The following ROR1 variants were observed in gnomAD, a reference collection of about 807,000 sequenced individuals.
ROR1 encodes the protein inactive tyrosine-protein kinase transmembrane receptor ROR1.
ROR1 carries 19 observed loss-of-function variants against 78.8 expected under a neutral mutation model. The observed-to-expected ratio is 0.24, with a 90% CI of 0.17 to 0.35. The LOEUF (loss-of-function observed/expected upper bound fraction) is 0.35, where lower values mean the gene tolerates loss of function less well. Ranked by LOEUF, ROR1 falls within the 10% of genes least tolerant of loss-of-function variation. The probability of loss-of-function intolerance (pLI) is 1.00; values close to 1 mark genes in which losing one functional copy is unlikely to be tolerated. For synonymous variants in ROR1, 386 were observed against 433.6 expected (o/e 0.89, Z 1.36); for missense variants, 917 against 1,177.8 (o/e 0.78, Z 3.24).
At chr1:63,974,489 C>T (rs529125084) in intron 1 of ROR1, among the ~76,000 whole-genome samples, 4 of 152,182 alleles carry the variant, frequency 2.6e-5, no homozygotes, top group African/African-American at 9.6e-5. Flanking sequence ...GTCACGCAGG[C>T]TGGAGTGCAG....
chr1:63,984,089 T>C (rs558311169), intron 1 of ROR1, among the ~76,000 whole-genome samples: 2 of 152,180 alleles, frequency 1.3e-5, no homozygotes, highest in Non-Finnish European at 2.9e-5. Flanking sequence ...AAACATGCCT[T>C]TCCTAGTTTT....
At chr1:63,857,771 TA>T (rs1338733163) in intron 1 of ROR1, among the ~76,000 whole-genome samples, 1 of 152,218 alleles carries the variant, frequency 6.6e-6, no homozygotes, top group African/African-American at 2.4e-5. Context: ...CCATATTTGG[TA>T]AGCCTCTGAA....
rs1646673249 is a variant in ROR1 at position 64,032,921 on chromosome 1, T to C, written c.164-16770T>C. Reference sequence around the variant, plus strand: ...ATATGAGGTACCTAGAGTAGTGAAATTGATAGACAGAAAGTAAGATGGTGG... The same window carrying C: ...ATATGAGGTACCTAGAGTAGTGAAACTGATAGACAGAAAGTAAGATGGTGG... On this transcript the variant is annotated intron_variant, in intron 2 of 8. Coordinates refer to ENST00000371079, the MANE Select transcript of ROR1 (RefSeq NM_005012.4). Among the ~76,000 whole-genome samples, 3 of 152,088 alleles carry C rather than the reference T, an allele frequency of 2.0e-5. No individual in the cohort carries two copies. The South Asian group carries it at 6.2e-4, about 32-fold the overall frequency.
chr1:63,959,106 T>G (rs1646006833), intron 1 of ROR1, among the ~76,000 whole-genome samples: 2 of 152,142 alleles, frequency 1.3e-5, no homozygotes, highest in Admixed American at 1.3e-4. Flanking sequence ...TCAGGAAACT[T>G]ACAATCATGA....
rs180686850 is a variant in ROR1, at chr1:64,134,451, G to A, written c.483-2918G>A. Among the ~76,000 whole-genome samples the A allele has an allele frequency of 3.9e-3, 601 of 152,230 alleles. 8 individuals are homozygous for A. The highest frequency in any genetic ancestry group is 6.8e-3 in the Middle Eastern group (2 of 292). On this transcript the variant is annotated intron_variant, in intron 4 of 8. Coordinates refer to ENST00000371079, the MANE Select transcript of ROR1 (RefSeq NM_005012.4). ...CACCACAGACTGACTTTGTGAATTT[G>A]AGCAAGTTACTTAACTTCTCTGAAT...
intron 1 of ROR1, among the ~76,000 whole-genome samples, chr1:63,928,893 A>G (rs919888808): frequency 3.9e-5 from 6 of 152,154 alleles, no homozygotes; most frequent in Non-Finnish European, 8.8e-5. Flanking sequence ...TCTTTACCTT[A>G]TCCTAACAAT....
intron 1 of ROR1, among the ~76,000 whole-genome samples, chr1:63,878,731 G>T (rs891575111): frequency 1.3e-5 from 2 of 151,996 alleles, no homozygotes; most frequent in Non-Finnish European, 2.9e-5. Context: ...TGCTGCCCTG[G>T]TTACTCTCAT....
chr1:64,021,609 G>A (rs1646565949), intron 2 of ROR1, among the ~76,000 whole-genome samples: 1 of 152,212 alleles, frequency 6.6e-6, no homozygotes, highest in South Asian at 2.1e-4. Context: ...AAATGGCAGA[G>A]CCAGAATTCA....
chr1:64,157,763 G>A (rs1334264932), intron 7 of ROR1, among the ~76,000 whole-genome samples: 2 of 152,106 alleles, frequency 1.3e-5, no homozygotes, highest in South Asian at 2.1e-4. Context: ...CTTACCAGAC[G>A]ATGAGCTCCT....
At chr1:64,166,793 T>C (rs1650099967) in intron 8 of ROR1, among the ~76,000 whole-genome samples, 1 of 152,058 alleles carries the variant, frequency 6.6e-6, no homozygotes, top group Non-Finnish European at 1.5e-5. Flanking sequence ...CCTGCTCACA[T>C]CCTGGATAAA....
intron 4 of ROR1, among the ~76,000 whole-genome samples, chr1:64,080,776 C>G (rs914384501): frequency 1.3e-5 from 2 of 152,168 alleles, no homozygotes; most frequent in Non-Finnish European, 2.9e-5. Flanking sequence ...CCTTCATTTG[C>G]TTTTGAGTAG....
chr1:64,033,140 A>G lies in ROR1; in HGVS notation c.164-16551A>G, dbSNP rs189219253. Among the ~76,000 whole-genome samples the G allele has an allele frequency of 2.9e-3, 448 of 152,302 alleles. 3 individuals are homozygous for G. Among genetic ancestry groups the G allele is most frequent in the African/African-American group, 9.9e-3 (413 of 41,556 alleles). ...TACGTTTTGTCACGTATATTTTACC[A>G]CAGTTTTCAGAAAGTGCAACGTCCT... On this transcript the variant is annotated intron_variant, in intron 2 of 8. Transcript: ENST00000371079.
At chr1:63,888,172 T>G (rs1363186212) in intron 1 of ROR1, among the ~76,000 whole-genome samples, 1 of 152,226 alleles carries the variant, frequency 6.6e-6, no homozygotes, top group Non-Finnish European at 1.5e-5. Flanking sequence ...TTCCTTTTTT[T>G]CTATTTTATT....
chr1:63,914,796 C>G (rs544070543), intron 1 of ROR1, among the ~76,000 whole-genome samples: 6 of 152,226 alleles, frequency 3.9e-5, no homozygotes, highest in Non-Finnish European at 5.9e-5. Flanking sequence ...CCCTCCACCC[C>G]CATTTCTGCT....
Position 63,774,499 on chromosome 1 carries a change from G to C in ROR1, c.82G>C (p.Ala28Pro). ...GCTGCTGCTGGCCGCACGCGGGGCT[G>C]CTGCCCAAGGTAAGAGGCGCCCGCC... ...AALLLAARGA[A>P]AQETELSVSA... Residue 28 changes from alanine to proline, a missense_variant, in exon 1 of 9, where the codon GCT (alanine) becomes CCT (proline). Around this residue, in one of 3 missense-constraint regions of ROR1, gnomAD observed 63 missense variants for 57.0 expected, o/e 1.10. Coordinates refer to ENST00000371079, the MANE Select transcript of ROR1 (RefSeq NM_005012.4). This position sits in a 1 kb window ranked among gnomAD's most constrained non-coding sequence, Gnocchi z 5.7. 8.8e-7 allele frequency: 1 copy of C among 1,140,880 alleles called. No homozygotes were observed. The highest frequency in any genetic ancestry group is 1.1e-6 in the Non-Finnish European group (1 of 933,958). The allele number at this position is 1,140,880 out of a possible 1,614,324, so 70.7% of individuals were successfully genotyped here.
At chr1:64,041,861 C>T (rs1646748472) in intron 2 of ROR1, among the ~76,000 whole-genome samples, 1 of 152,166 alleles carries the variant, frequency 6.6e-6, no homozygotes, top group Non-Finnish European at 1.5e-5. Flanking sequence ...GTTCATTCAC[C>T]CAGAAAATGT....
Position 63,894,493 on chromosome 1 carries a change from T to G in ROR1, c.92-114812T>G, listed in dbSNP as rs142538599. ...ATTCCTCATACATAGACATATAGCC[T>G]CCCATCATCTTCACACACCACAGAC... On this transcript the variant is annotated intron_variant, in intron 1 of 8. Coordinates refer to ENST00000371079, the MANE Select transcript of ROR1 (RefSeq NM_005012.4). Among the ~76,000 whole-genome samples the G allele has an allele frequency of 5.3e-5, 8 of 152,256 alleles. 1 individual carries two copies. In the East Asian group the frequency reaches 1.2e-3, roughly 22 times the overall value.
At chr1:63,852,075 T>G (rs1170738456) in intron 1 of ROR1, among the ~76,000 whole-genome samples, 2 of 152,250 alleles carry the variant, frequency 1.3e-5, no homozygotes, top group Non-Finnish European at 2.9e-5. Flanking sequence ...TCCTTCAGAG[T>G]TGAAGTAATC....
chr1:63,967,419 C>A (rs1204447245), intron 1 of ROR1, among the ~76,000 whole-genome samples: 1 of 152,110 alleles, frequency 6.6e-6, no homozygotes, highest in Non-Finnish European at 1.5e-5. Flanking sequence ...GAAATGGATT[C>A]TCGCTATGAT....
Sources: gnomAD v4.1 joint callset for allele counts (sites outside exome capture counted in the v4.1 genomes callset) on GRCh38, gnomAD v4.1.1 for gene constraint, gnomAD v4.1.1 regional missense constraint, Gnocchi (gnomAD v3.1) non-coding constraint, MANE v1.5 for transcripts, NCBI Gene and HGNC (gene_info 2026-07-23, HGNC 2026-07-21) for gene names.